Variants in EPHB2 observed in about 807,000 individuals in gnomAD.
EPHB2 encodes EPH receptor B2.
Under a neutral mutation model 96.4 loss-of-function variants are expected in EPHB2, and 18 were observed. The ratio of observed to expected loss-of-function variants is 0.19; its 90% confidence interval spans 0.13 to 0.28. The LOEUF is 0.28. Among genes scored for constraint, EPHB2 ranks in the 10% least tolerant of loss-of-function variants. The probability of loss-of-function intolerance (pLI) is 1.00; values close to 1 mark genes in which losing one functional copy is unlikely to be tolerated. For missense variants in EPHB2, 989 were observed against 1,355.4 expected, an observed-to-expected ratio of 0.73 and a Z score of 4.25; for synonymous variants, 506 against 534.1, an observed-to-expected ratio of 0.95 and a Z score of 0.72.
rs2148414443 is a variant in EPHB2, at chr1:22,777,723, C to T, written c.62-3698C>T. Among the ~76,000 whole-genome samples the T allele has an allele frequency of 2.0e-5, 3 of 152,292 alleles. 1 individual carries two copies. The South Asian group carries it at 6.2e-4, about 32-fold the overall frequency. Reference sequence around the variant, plus strand: ...CTGATGCTTGTCAGATGTTGGCAGGCATATCTGGGAGGTGGGGGAGGCCAG... The same window carrying T: ...CTGATGCTTGTCAGATGTTGGCAGGTATATCTGGGAGGTGGGGGAGGCCAG... On this transcript the variant is annotated intron_variant, in intron 1 of 15. Coordinates refer to ENST00000374630, the MANE Select transcript of EPHB2 (RefSeq NM_017449.5).
chr1:22,715,726 G>T (rs1643275908), intron 1 of EPHB2, among the ~76,000 whole-genome samples: 1 of 152,200 alleles, frequency 6.6e-6, no homozygotes, highest in Admixed American at 6.5e-5. Flanking sequence ...TCAGGGGCTG[G>T]TTGGGAGAAG....
At chr1:22,896,830 G>A (rs1167778970) in intron 9 of EPHB2, among the ~76,000 whole-genome samples, 1 of 152,216 alleles carries the variant, frequency 6.6e-6, no homozygotes, top group African/African-American at 2.4e-5. Flanking sequence ...TCTCACCACC[G>A]TGATAGTGGT....
At chr1:22,832,242 A>G (rs1424483412) in intron 3 of EPHB2, among the ~76,000 whole-genome samples, 1 of 152,118 alleles carries the variant, frequency 6.6e-6, no homozygotes, top group Non-Finnish European at 1.5e-5. Context: ...GCCCTGGGTG[A>G]GTCATGTCAC....
chr1:22,772,835 C>T (rs542170041), intron 1 of EPHB2, among the ~76,000 whole-genome samples: 11 of 152,298 alleles, frequency 7.2e-5, no homozygotes, highest in Admixed American at 2.6e-4. Flanking sequence ...AGCCTGGCAA[C>T]GATAGCACTG....
At chr1:22,862,945 G>A in intron 3 of EPHB2, 92 bp from the exon 4 acceptor site, 2 of 1,535,322 alleles carry the variant, frequency 1.3e-6, no homozygotes, top group Non-Finnish European at 1.8e-6. Flanking sequence ...CCCTCCGCGA[G>A]GCTGTGTGGC....
At chr1:22,740,020 G>A (rs1376775003) in intron 1 of EPHB2, among the ~76,000 whole-genome samples, 4 of 152,224 alleles carry the variant, frequency 2.6e-5, no homozygotes, top group Admixed American at 2.6e-4. Flanking sequence ...ACCAGGCGCT[G>A]AGGCAGGGAG....
At chr1:22,812,284 G>A (rs1223592123) in intron 3 of EPHB2, among the ~76,000 whole-genome samples, 1 of 152,246 alleles carries the variant, frequency 6.6e-6, no homozygotes, top group African/African-American at 2.4e-5. Flanking sequence ...CCTGCCCGCG[G>A]GGCCTGAGCT....
intron 13 of EPHB2, 92 bp downstream of exon 13, chr1:22,909,263 G>A: frequency 1.9e-6 from 3 of 1,595,524 alleles, no homozygotes; most frequent in South Asian, 1.1e-5. Flanking sequence ...GTCTCCCAGA[G>A]TGTGGGACAT....
At chr1:22,754,144 G>A (rs1436178469) in intron 1 of EPHB2, among the ~76,000 whole-genome samples, 1 of 152,170 alleles carries the variant, frequency 6.6e-6, no homozygotes, top group African/African-American at 2.4e-5. Context: ...CCCCAGGAGT[G>A]AGACAGGCAG....
intron 3 of EPHB2, among the ~76,000 whole-genome samples, chr1:22,820,389 G>T (rs1042754735): frequency 6.6e-6 from 1 of 152,170 alleles, no homozygotes; most frequent in African/African-American, 2.4e-5. Flanking sequence ...TGCTGAGCGC[G>T]GTGGCTCACG....
intron 3 of EPHB2, among the ~76,000 whole-genome samples, chr1:22,802,649 C>T (rs76677301): frequency 0.027 from 4,061 of 152,208 alleles, 112 homozygotes; most frequent in South Asian, 0.13. Flanking sequence ...CCTGTCCACC[C>T]GCACCACCCA....
chr1:22,883,063 G>A (rs903621900), intron 6 of EPHB2, among the ~76,000 whole-genome samples: 7 of 152,242 alleles, frequency 4.6e-5, no homozygotes, highest in Non-Finnish European at 8.8e-5. Context: ...CTAAGAGTGA[G>A]AAGCCGTAGG....
rs111569109 is a variant in EPHB2 at position 22,863,222 on chromosome 1, G to C, written c.967+30G>C. ...GTCCTAGGGCCCCTCAAGGGCGATG[G>C]CTGGCCGAGTCCCAGGTCTACCTGC... is the stretch of plus-strand genomic sequence containing the variant. On this transcript the variant is annotated intron_variant, in intron 4 of 15. Coordinates refer to ENST00000374630, the MANE Select transcript of EPHB2 (RefSeq NM_017449.5). 2,659 of 1,613,884 alleles carry C rather than the reference G, an allele frequency of 1.6e-3. 11 individuals are homozygous for C. The highest frequency in any genetic ancestry group is 9.6e-3 in the African/African-American group (721 of 75,048).
At chr1:22,801,937 G>GC (rs1259804615) in intron 3 of EPHB2, among the ~76,000 whole-genome samples, 2 of 152,224 alleles carry the variant, frequency 1.3e-5, no homozygotes, top group Admixed American at 6.5e-5. Flanking sequence ...TGACAGCCGC[G>GC]CCGAATCCCG....
intron 1 of EPHB2, among the ~76,000 whole-genome samples, chr1:22,722,386 CTGGCTGGCAGTTTACA>C (rs535959171): frequency 6.6e-6 from 1 of 152,312 alleles, no homozygotes; most frequent in South Asian, 2.1e-4. Flanking sequence ...ATTTGGCTCA[CTGGCTGGCAGTTTACA>C]ACCTTAGGTA....
At position 22,735,262 on chromosome 1, in the gene EPHB2, AC is replaced by A. The variant is rs1407917126; in HGVS notation, c.61+24223del. 2.0e-5 allele frequency among the ~76,000 whole-genome samples: 3 copies of A among 151,912 alleles called. No individual in the cohort carries two copies. The East Asian group carries it at 5.8e-4, about 29-fold the overall frequency. ...AGACCAGCTTGGGCAACACAGTGTG[AC>A]CCCATCTCTACTAAATTTTTTTTTA... On this transcript the variant is annotated intron_variant, in intron 1 of 15. Transcript: ENST00000374630.
chr1:22,831,044 C>G (rs1363631378), intron 3 of EPHB2, among the ~76,000 whole-genome samples: 1 of 152,166 alleles, frequency 6.6e-6, no homozygotes, highest in African/African-American at 2.4e-5. Context: ...TCCACGTTGA[C>G]TACCAGAGTC....
intron 3 of EPHB2, among the ~76,000 whole-genome samples, chr1:22,851,227 A>G (rs1260082388): frequency 3.3e-5 from 5 of 152,166 alleles, no homozygotes; most frequent in Non-Finnish European, 7.3e-5. Context: ...CAAACTCCTC[A>G]GCTCAAGCGA....
intron 5 of EPHB2, among the ~76,000 whole-genome samples, chr1:22,870,660 G>A (rs570892068): frequency 5.9e-5 from 9 of 152,268 alleles, no homozygotes; most frequent in South Asian, 2.1e-4. Context: ...TCTATCCAGC[G>A]CCCTTGGCCA....
Sources: allele counts gnomAD v4.1 joint callset (sites outside exome capture counted in the v4.1 genomes callset), GRCh38; gene constraint gnomAD v4.1.1; transcripts MANE v1.5; gene names NCBI Gene and HGNC (gene_info 2026-07-23, HGNC 2026-07-21).